The following GNPTAB variants were observed in gnomAD, a reference collection of about 807,000 sequenced individuals.
GNPTAB encodes N-acetylglucosamine-1-phosphate transferase subunits alpha and beta.
Under a neutral mutation model 136.6 loss-of-function variants are expected in GNPTAB, and 92 were observed. The observed-to-expected ratio is 0.67, with a 90% CI of 0.57 to 0.80. GNPTAB has a LOEUF of 0.80. GNPTAB is among the 30% of genes least tolerant of loss of function. The pLI, the probability that GNPTAB is intolerant of heterozygous loss-of-function variation, is 0.00. For synonymous variants in GNPTAB, 512 were observed against 535.1 expected (o/e 0.96, Z 0.60); for missense variants, 1,343 against 1,501.8 (o/e 0.89, Z 1.75).
rs867058692 is a variant in GNPTAB, at chr12:101,747,101, G to A, written c.*63C>T. ...AGCATCACATCACAAAGACATCTCT[G>A]TGAAGCTGAGTTTTAAAATGCTCAG... On this transcript the variant is annotated 3_prime_UTR_variant, in exon 21 of 21. Coordinates refer to ENST00000299314, the MANE Select transcript of GNPTAB (RefSeq NM_024312.5). 2.9e-5 allele frequency: 27 copies of A among 944,522 alleles called. No individual in the cohort carries two copies. The highest frequency in any genetic ancestry group is 2.6e-4 in the South Asian group (20 of 76,984). The allele number at this position is 944,522 out of a possible 1,614,324, so 58.5% of individuals were successfully genotyped here.
chr12:101,779,313 C>G (rs936513412), intron 7 of GNPTAB: 2 of 152,184 alleles, frequency 1.3e-5, no homozygotes, highest in African/African-American at 2.4e-5. Context: ...ATGCTCTCTA[C>G]TCTAAGAGAT....
chr12:101,815,062 C>G (rs936650535), intron 1 of GNPTAB, among the ~76,000 whole-genome samples: 1 of 152,116 alleles, frequency 6.6e-6, no homozygotes, highest in Admixed American at 6.6e-5. Flanking sequence ...AGCATCATAG[C>G]TTACTTATTT....
intron 5 of GNPTAB, among the ~76,000 whole-genome samples, chr12:101,783,651 G>C (rs1340584155): frequency 2.0e-5 from 3 of 152,084 alleles, no homozygotes; most frequent in Non-Finnish European, 4.4e-5. Flanking sequence ...ATCAGTTCAG[G>C]ATCTATAGAG....
At position 101,761,685 on chromosome 12, in the gene GNPTAB, C is replaced by CA; in HGVS notation, c.2793dup (p.Ala932CysfsTer9). ...TTATTTACATATCTGAGGGAATCTG[C>CA]AAATGTATCTTTTAGTTGCCTCCCA... On this transcript the variant is annotated frameshift_variant, in exon 14 of 21. Transcript: ENST00000299314. LOFTEE classifies it high-confidence loss of function. The CA allele has an allele frequency of 6.2e-7, 1 of 1,613,784 alleles. No individual in the cohort carries two copies. The highest frequency in any genetic ancestry group is 8.5e-7 in the Non-Finnish European group (1 of 1,179,674).
chr12:101,790,944 C>G (rs979411227), intron 2 of GNPTAB, among the ~76,000 whole-genome samples: 1 of 151,780 alleles, frequency 6.6e-6, no homozygotes, highest in Non-Finnish European at 1.5e-5. Context: ...GTAACCTATT[C>G]CGTTAATTAT....
chr12:101,755,954 C>T (rs569872295), intron 18 of GNPTAB, among the ~76,000 whole-genome samples: 13 of 152,304 alleles, frequency 8.5e-5, no homozygotes, highest in Non-Finnish European at 1.3e-4. Flanking sequence ...CAACTAAAAA[C>T]TGCAAATTCT....
chr12:101,814,028 G>A (rs942232730), intron 1 of GNPTAB, among the ~76,000 whole-genome samples: 1 of 151,530 alleles, frequency 6.6e-6, no homozygotes, highest in Admixed American at 6.6e-5. Flanking sequence ...GCAGTGAGCC[G>A]AGATCGCACC....
chr12:101,775,334 C>T (rs542118731), intron 7 of GNPTAB, among the ~76,000 whole-genome samples: 1 of 151,542 alleles, frequency 6.6e-6, no homozygotes, highest in Admixed American at 6.6e-5. Flanking sequence ...TTAAGTGATT[C>T]AACAATTCAA....
rs771284754 is a variant in GNPTAB at position 101,761,180 on chromosome 12, T to TG, written c.3081dup (p.Arg1028GlnfsTer37). 6.2e-7 allele frequency: 1 copy of TG among 1,614,180 alleles called. No homozygotes were observed. The highest frequency in any genetic ancestry group is 1.1e-5 in the South Asian group (1 of 91,086). On this transcript the variant is annotated frameshift_variant, in exon 15 of 21. Coordinates refer to ENST00000299314, the MANE Select transcript of GNPTAB (RefSeq NM_024312.5). LOFTEE classifies it high-confidence loss of function. ...CTGGTAGCCAGTGTTCGGATTTCTC[T>TG]GTCAGACAAGACACCAGATTGATCT...
In GNPTAB at chr12:101,764,843, C is replaced by A. The variant is rs1480498522; in HGVS notation, c.2074G>T (p.Glu692Ter). Residue 692 changes from glutamate (E) to a stop codon, truncating the protein, a stop_gained, in exon 13 of 21, where the codon GAG (glutamate) becomes TAG (stop). Transcript: ENST00000299314. LOFTEE classifies it high-confidence loss of function. The stretch of plus-strand genomic sequence containing the variant: ...ATATTTACCAGGGGAATTTTCACCT[C>A]TTCCTGGGCTCTCCTTGTTGAGTTA... ...DVNSTRRAQEEVKIPLVNISL... is the reference protein window; with the variant it reads ...DVNSTRRAQE 1 of 1,614,164 alleles carries A rather than the reference C, an allele frequency of 6.2e-7. No homozygotes were observed.
intron 16 of GNPTAB, among the ~76,000 whole-genome samples, chr12:101,758,785 C>G (rs1178450372): frequency 6.6e-6 from 1 of 152,170 alleles, no homozygotes; most frequent in Non-Finnish European, 1.5e-5. Context: ...AGGAGGTGTC[C>G]TATCTGCAGT....
Position 101,746,950 on chromosome 12 carries a change from C to A in GNPTAB, c.*214G>T. Reference sequence around the variant, plus strand: ...TGAGCAAATTCTTTAAAAGTAAAATCAGTTCAGAGCTGCTCAACACACAAG... The same window carrying A: ...TGAGCAAATTCTTTAAAAGTAAAATAAGTTCAGAGCTGCTCAACACACAAG... On this transcript the variant is annotated 3_prime_UTR_variant, in exon 21 of 21. Transcript: ENST00000299314. The A allele has an allele frequency of 2.0e-6, 1 of 508,008 alleles. No individual in the cohort carries two copies. 31.5% of individuals were successfully genotyped at this position (508,008 alleles called of 1,614,324 possible).
At chr12:101,785,973 T>C in intron 5 of GNPTAB, 39 bp downstream of exon 5, 1 of 1,397,922 alleles carries the variant, frequency 7.2e-7, no homozygotes, top group Non-Finnish European at 1.0e-6. Context: ...AAACATCCAA[T>C]GATAACATGA....
At position 101,781,396 on chromosome 12, in the gene GNPTAB, T is replaced by C. The variant is rs568484023; in HGVS notation, c.572-775A>G. On this transcript the variant is annotated intron_variant, in intron 5 of 20. Coordinates refer to ENST00000299314, the MANE Select transcript of GNPTAB (RefSeq NM_024312.5). ...AGTGTACTATAGTTACAGGGCACAG[T>C]AGCTCATGCCTGTAATCCCAGCACT... is the stretch of plus-strand genomic sequence containing the variant. 2.6e-5 allele frequency among the ~76,000 whole-genome samples: 4 copies of C among 152,326 alleles called. No individual in the cohort carries two copies. The South Asian group carries it at 6.2e-4, about 24-fold the overall frequency.
At chr12:101,786,528 A>G (rs1483147538) in intron 4 of GNPTAB, among the ~76,000 whole-genome samples, 1 of 152,206 alleles carries the variant, frequency 6.6e-6, no homozygotes, top group Non-Finnish European at 1.5e-5. Flanking sequence ...GATTATTCAT[A>G]ATTCCAATAA....
chr12:101,746,217 C>T lies in GNPTAB; in HGVS notation c.*947G>A, dbSNP rs1952731910. On this transcript the variant is annotated 3_prime_UTR_variant, in exon 21 of 21. Transcript: ENST00000299314. ...CAGCAAGAAGAATGTATGACAAAGA[C>T]ACAGGTGGCCTGCAATAATTTACTA... 6.6e-6 allele frequency: 1 copy of T among 152,028 alleles called. No homozygotes were observed. The highest frequency in any genetic ancestry group is 1.5e-5 in the Non-Finnish European group (1 of 68,000). The allele number at this position is 152,028 out of a possible 1,614,324, so 9.4% of individuals were successfully genotyped here.
intron 1 of GNPTAB, among the ~76,000 whole-genome samples, chr12:101,802,197 CTT>C (rs1869675777): frequency 1.0e-5 from 1 of 96,246 alleles, no homozygotes. Flanking sequence ...GACCCTGTCT[CTT>C]AAAAAAAAAA....
At chr12:101,756,663 G>A (rs994882879) in intron 18 of GNPTAB, 2 of 190,904 alleles carry the variant, frequency 1.0e-5, no homozygotes, top group African/African-American at 4.8e-5. Flanking sequence ...ACTCAAAAAT[G>A]CATATTTTTA....
chr12:101,757,155 C>T (rs148143260), intron 18 of GNPTAB, 57 bp downstream of exon 18: 2 of 937,642 alleles, frequency 2.1e-6, no homozygotes, highest in Non-Finnish European at 3.4e-6. Context: ...CCCTTCTTTC[C>T]AGTCCTTTTA....
Sources: gnomAD v4.1 joint callset for allele counts (sites outside exome capture counted in the v4.1 genomes callset) on GRCh38, gnomAD v4.1.1 for gene constraint, MANE v1.5 for transcripts, NCBI Gene and HGNC (gene_info 2026-07-23, HGNC 2026-07-21) for gene names.